Variants in TACR1 observed in about 807,000 individuals in gnomAD.
TACR1 encodes the protein tachykinin receptor 1, also known as substance-P receptor.
In TACR1, 25 loss-of-function variants were observed where a neutral mutation model predicts 35.8. The observed-to-expected ratio is 0.70, with a 90% CI of 0.51 to 0.98. The LOEUF (loss-of-function observed/expected upper bound fraction) is 0.98. Among genes scored for constraint, TACR1 ranks in the 50% least tolerant of loss-of-function variants. TACR1 has a pLI of 0.00. For synonymous variants in TACR1, 195 were observed against 206.7 expected (o/e 0.94, Z 0.48); for missense variants, 478 against 522.9 (o/e 0.91, Z 0.84).
At chr2:75,093,489 G>C (rs1265578079) in intron 2 of TACR1, among the ~76,000 whole-genome samples, 1 of 152,126 alleles carries the variant, frequency 6.6e-6, no homozygotes, top group African/African-American at 2.4e-5. Flanking sequence ...GGCTGCACAG[G>C]TTATAGACAC....
chr2:75,166,934 A>G (rs1160177231), intron 1 of TACR1, among the ~76,000 whole-genome samples: 1 of 152,208 alleles, frequency 6.6e-6, no homozygotes, highest in Admixed American at 6.5e-5. Context: ...CTTTTTGCTT[A>G]TGGTAGTTCT....
At chr2:75,064,750 G>A (rs556479062) in intron 2 of TACR1, among the ~76,000 whole-genome samples, 1 of 152,194 alleles carries the variant, frequency 6.6e-6, no homozygotes. Context: ...CCCCGATTCA[G>A]CTCCTCAAAT....
intron 1 of TACR1, among the ~76,000 whole-genome samples, chr2:75,153,723 C>T (rs1674726807): frequency 6.6e-6 from 1 of 152,118 alleles, no homozygotes; most frequent in Non-Finnish European, 1.5e-5. Flanking sequence ...GGCTGCTAAC[C>T]CTTTTAAGTT....
chr2:75,083,265 G>C (rs1422896116), intron 2 of TACR1, among the ~76,000 whole-genome samples: 1 of 152,142 alleles, frequency 6.6e-6, no homozygotes, highest in Non-Finnish European at 1.5e-5. Flanking sequence ...TGAGGGCTGT[G>C]TTCTGTTCCA....
At chr2:75,175,121 G>A (rs1201824772) in intron 1 of TACR1, among the ~76,000 whole-genome samples, 1 of 152,170 alleles carries the variant, frequency 6.6e-6, no homozygotes, top group Non-Finnish European at 1.5e-5. Flanking sequence ...AAATCCCTTT[G>A]CTTCTAGATG....
At chr2:75,157,164 AAGGAGG>A (rs1289385645) in intron 1 of TACR1, among the ~76,000 whole-genome samples, 2 of 152,052 alleles carry the variant, frequency 1.3e-5, no homozygotes, top group African/African-American at 4.8e-5. Flanking sequence ...GGGGATTGAT[AAGGAGG>A]AGGATGAAGA....
chr2:75,049,569 C>G lies in TACR1; in HGVS notation c.1087G>C (p.Gly363Arg). 6.2e-7 allele frequency: 1 copy of G among 1,614,164 alleles called. No individual in the cohort carries two copies. The highest frequency in any genetic ancestry group is 8.5e-7 in the Non-Finnish European group (1 of 1,179,990). ...TCCTCTGGCTCCTCCTCGTGGGCCC[C>G]CACCACTGTGGAGATGGTGGTCTCC... ...RLETTISTVV[G>R]AHEEEPEDGP... Residue 363 changes from glycine to arginine, a missense_variant, in exon 5 of 5, where the codon GGG becomes CGG. By Grantham distance (125) the Gly-to-Arg change is moderately radical. Coordinates refer to ENST00000305249, the MANE Select transcript of TACR1 (RefSeq NM_001058.4).
At chr2:75,078,392 G>A (rs1673019192) in intron 2 of TACR1, among the ~76,000 whole-genome samples, 1 of 151,938 alleles carries the variant, frequency 6.6e-6, no homozygotes, top group Non-Finnish European at 1.5e-5. Context: ...AGGTTGTGAG[G>A]ATCAAATGAG....
At chr2:75,095,790 C>T (rs1355056360) in intron 2 of TACR1, among the ~76,000 whole-genome samples, 1 of 152,066 alleles carries the variant, frequency 6.6e-6, no homozygotes, top group Non-Finnish European at 1.5e-5. Context: ...CCAGTCAAGT[C>T]CCCTTAGGAT....
intron 1 of TACR1, among the ~76,000 whole-genome samples, chr2:75,146,123 A>T (rs575359875): frequency 4.9e-4 from 75 of 151,836 alleles, no homozygotes; most frequent in Non-Finnish European, 8.2e-4. Flanking sequence ...CCTTTTTAAA[A>T]TTTTTTTTCT....
intron 4 of TACR1, among the ~76,000 whole-genome samples, chr2:75,050,367 A>G (rs1013567913): frequency 3.9e-5 from 6 of 152,206 alleles, no homozygotes; most frequent in East Asian, 1.9e-4. Flanking sequence ...CCAAATTTCT[A>G]GTACCTGAGT....
intron 4 of TACR1, among the ~76,000 whole-genome samples, chr2:75,050,597 G>C (rs1438552175): frequency 6.6e-6 from 1 of 152,164 alleles, no homozygotes; most frequent in East Asian, 1.9e-4. Context: ...GATGGGCTCT[G>C]CCTTCTCTTA....
chr2:75,093,995 A>G lies in TACR1; in HGVS notation c.584+26579T>C, dbSNP rs199519113. Among the ~76,000 whole-genome samples, 3 of 152,292 alleles carry G rather than the reference A, an allele frequency of 2.0e-5. No homozygotes were observed. The East Asian group carries it at 5.8e-4, about 29-fold the overall frequency. On this transcript the variant is annotated intron_variant, in intron 2 of 4. Transcript: ENST00000305249. ...GCATGTTAGAGGCAAAGCCAGGGCT[A>G]GAAGCTGAGTCTTTGAACTCTGAAC...
In TACR1 at chr2:75,168,454, A is replaced by C. The variant is rs947263209; in HGVS notation, c.389+30092T>G. 3.3e-5 allele frequency among the ~76,000 whole-genome samples: 5 copies of C among 152,190 alleles called. No individual in the cohort carries two copies. In the South Asian group the frequency reaches 8.3e-4, roughly 25 times the overall value. ...TCCTAGAGAGGCATGGTAGCAGCTG[A>C]ATGGTCACAAAGATGCTGTGTTACT... On this transcript the variant is annotated intron_variant, in intron 1 of 4. Coordinates refer to ENST00000305249, the MANE Select transcript of TACR1 (RefSeq NM_001058.4).
chr2:75,148,495 G>A (rs1674597632), intron 1 of TACR1, among the ~76,000 whole-genome samples: 1 of 152,180 alleles, frequency 6.6e-6, no homozygotes, highest in African/African-American at 2.4e-5. Flanking sequence ...TTTTTCATAT[G>A]TTTGTTGACT....
chr2:75,125,220 G>T (rs1044161131), intron 1 of TACR1, among the ~76,000 whole-genome samples: 2 of 151,424 alleles, frequency 1.3e-5, no homozygotes, highest in African/African-American at 4.9e-5. Flanking sequence ...GTCTCGCTCT[G>T]TTGCCCAGAC....
chr2:75,110,837 A>G (rs1294450240), intron 2 of TACR1, among the ~76,000 whole-genome samples: 1 of 151,974 alleles, frequency 6.6e-6, no homozygotes, highest in Non-Finnish European at 1.5e-5. Context: ...ACTTTCTAAG[A>G]ATGTAATTGC....
rs192689100 is a variant in TACR1, at chr2:75,120,142, A to G, written c.584+432T>C. Among the ~76,000 whole-genome samples the G allele has an allele frequency of 1.7e-3, 261 of 152,280 alleles. 1 individual carries two copies. The highest frequency in any genetic ancestry group is 5.7e-3 in the African/African-American group (237 of 41,558). On this transcript the variant is annotated intron_variant, in intron 2 of 4. Coordinates refer to ENST00000305249, the MANE Select transcript of TACR1 (RefSeq NM_001058.4). ...GTATAAAAGAATGGCTACTCCATAG[A>G]CAGAGCAGCCCCTCAATCATTGTTG...
chr2:75,197,027 C>T (rs2103641044), intron 1 of TACR1, among the ~76,000 whole-genome samples: 1 of 152,310 alleles, frequency 6.6e-6, no homozygotes, highest in East Asian at 1.9e-4. Context: ...TACAGGTGTA[C>T]CTCACTTTCA....
Sources: allele counts gnomAD v4.1 joint callset (sites outside exome capture counted in the v4.1 genomes callset), GRCh38; gene constraint gnomAD v4.1.1; transcripts MANE v1.5; gene names NCBI Gene and HGNC (gene_info 2026-07-23, HGNC 2026-07-21).